TMEM132D: variants seen among roughly 807,000 people sequenced by gnomAD.
The protein encoded by TMEM132D is mature OL transmembrane protein.
Under a neutral mutation model 62.3 loss-of-function variants are expected in TMEM132D, and 21 were observed. That is an observed-to-expected ratio of 0.34 (90% CI 0.24 to 0.49). TMEM132D has a LOEUF of 0.49. Ranked by LOEUF, TMEM132D falls within the 20% of genes least tolerant of loss-of-function variation. TMEM132D has a pLI of 0.99. For missense variants in TMEM132D, 1,346 were observed against 1,402.8 expected (o/e 0.96, Z 0.65); for synonymous variants, 621 against 575.6 (o/e 1.08, Z -1.13).
chr12:129,321,056 CT>C (rs1868689036), intron 4 of TMEM132D, among the ~76,000 whole-genome samples: 1 of 152,008 alleles, frequency 6.6e-6, no homozygotes, highest in South Asian at 2.1e-4. Context: ...TCTCTATCAT[CT>C]ATATTCATAA....
Position 129,338,589 on chromosome 12 carries a change from G to A in TMEM132D, c.1116-772C>T, listed in dbSNP as rs1593342770. Among the ~76,000 whole-genome samples the A allele has an allele frequency of 2.0e-5, 3 of 152,276 alleles. No individual in the cohort carries two copies. In the South Asian group the frequency reaches 6.2e-4, roughly 32 times the overall value. ...ACAGGTAGAAAAATGTAGATTTGGT[G>A]CCTGCCTCTGCCTGAAAAGGAAGTG... On this transcript the variant is annotated intron_variant, in intron 3 of 8. Coordinates refer to ENST00000422113, the MANE Select transcript of TMEM132D (RefSeq NM_133448.3).
chr12:129,809,447 C>T (rs1245991696), intron 1 of TMEM132D, among the ~76,000 whole-genome samples: 1 of 151,952 alleles, frequency 6.6e-6, no homozygotes, highest in Non-Finnish European at 1.5e-5. Flanking sequence ...CCCTGGGGTG[C>T]CAGCTGGGAG....
In TMEM132D at chr12:129,137,155, T is replaced by TC. The variant is rs1446962950; in HGVS notation, c.1444-52454_1444-52453insG. On this transcript the variant is annotated intron_variant, in intron 5 of 8. Transcript: ENST00000422113. The stretch of plus-strand genomic sequence containing the variant: ...TCACCATCACTATCATTGTCATCAC[T>TC]ATCACAATCACCATCATCATCACCA... 4.4e-3 allele frequency among the ~76,000 whole-genome samples: 408 copies of TC among 92,188 alleles called. 10 individuals are homozygous for TC. The East Asian group carries it at 0.064, about 14-fold the overall frequency. 60.5% of individuals were successfully genotyped at this position (92,188 alleles called of 152,430 possible).
chr12:129,403,524 A>G (rs1740627939), intron 3 of TMEM132D, among the ~76,000 whole-genome samples: 1 of 151,938 alleles, frequency 6.6e-6, no homozygotes, highest in Non-Finnish European at 1.5e-5. Context: ...TTGGAGGAAC[A>G]CATCTGTTGC....
At chr12:129,304,482 T>C (rs192074468) in intron 4 of TMEM132D, among the ~76,000 whole-genome samples, 2 of 151,980 alleles carry the variant, frequency 1.3e-5, no homozygotes, top group East Asian at 1.9e-4. Flanking sequence ...CAATCCCATA[T>C]CCTACAATAC....
intron 5 of TMEM132D, among the ~76,000 whole-genome samples, chr12:129,206,769 G>T (rs951156763): frequency 1.3e-5 from 2 of 152,192 alleles, no homozygotes; most frequent in Non-Finnish European, 2.9e-5. Flanking sequence ...ATACTATGCA[G>T]CCATAAAAGA....
chr12:129,841,097 C>T (rs1174215911), intron 1 of TMEM132D, among the ~76,000 whole-genome samples: 1 of 152,110 alleles, frequency 6.6e-6, no homozygotes, highest in Non-Finnish European at 1.5e-5. Flanking sequence ...TGCATAAACA[C>T]GCAGAGTTAA....
At chr12:129,694,807 G>A (rs1593123190) in intron 2 of TMEM132D, among the ~76,000 whole-genome samples, 1 of 152,284 alleles carries the variant, frequency 6.6e-6, no homozygotes, top group Admixed American at 6.5e-5. Flanking sequence ...AGGAGATCGA[G>A]ACCATCCTGG....
At chr12:129,164,882 T>C (rs1253310981) in intron 5 of TMEM132D, among the ~76,000 whole-genome samples, 1 of 152,208 alleles carries the variant, frequency 6.6e-6, no homozygotes, top group East Asian at 1.9e-4. Flanking sequence ...CCTATTCTAC[T>C]CATAGGTATT....
chr12:129,454,748 T>C (rs920481830), intron 3 of TMEM132D, among the ~76,000 whole-genome samples: 5 of 152,190 alleles, frequency 3.3e-5, no homozygotes, highest in South Asian at 2.1e-4. Flanking sequence ...CATAAGAGGA[T>C]TGACTTTCTG....
intron 3 of TMEM132D, among the ~76,000 whole-genome samples, chr12:129,428,535 A>C (rs1241030202): frequency 6.6e-6 from 1 of 152,208 alleles, no homozygotes; most frequent in Non-Finnish European, 1.5e-5. Context: ...TATGCTGGAG[A>C]GATTTCAGAG....
intron 5 of TMEM132D, among the ~76,000 whole-genome samples, chr12:129,126,188 T>A (rs756365029): frequency 1.3e-5 from 2 of 152,180 alleles, no homozygotes; most frequent in Non-Finnish European, 2.9e-5. Flanking sequence ...GGAACTTAAA[T>A]CCACTTATGT....
At chr12:129,783,996 T>C (rs1057434012) in intron 1 of TMEM132D, among the ~76,000 whole-genome samples, 4 of 152,210 alleles carry the variant, frequency 2.6e-5, no homozygotes, top group Admixed American at 6.5e-5. Flanking sequence ...TCTTCCAGCA[T>C]TGAAGCCCTT....
chr12:129,539,238 T>TTC (rs1489683569), intron 2 of TMEM132D, among the ~76,000 whole-genome samples: 1 of 151,304 alleles, frequency 6.6e-6, no homozygotes, highest in African/African-American at 2.4e-5. Context: ...TTCCGGATTT[T>TTC]TTTTTTTTTT....
chr12:129,472,405 G>A (rs1874118035), intron 3 of TMEM132D, among the ~76,000 whole-genome samples: 1 of 152,120 alleles, frequency 6.6e-6, no homozygotes, highest in Non-Finnish European at 1.5e-5. Flanking sequence ...GGACACAGAG[G>A]GGAACATCAC....
At chr12:129,501,669 C>T (rs1016794287) in intron 3 of TMEM132D, among the ~76,000 whole-genome samples, 1 of 151,862 alleles carries the variant, frequency 6.6e-6, no homozygotes, top group African/African-American at 2.4e-5. Flanking sequence ...CACGCCTGGC[C>T]AACTTTTGTA....
intron 1 of TMEM132D, among the ~76,000 whole-genome samples, chr12:129,777,614 G>A (rs1276117683): frequency 6.6e-6 from 1 of 152,172 alleles, no homozygotes; most frequent in Non-Finnish European, 1.5e-5. Flanking sequence ...GGGGTTTACT[G>A]TAAACAGAAA....
At chr12:129,311,544 T>TG (rs370333750) in intron 4 of TMEM132D, among the ~76,000 whole-genome samples, 1 of 152,070 alleles carries the variant, frequency 6.6e-6, no homozygotes, top group Non-Finnish European at 1.5e-5. Context: ...TTTAAAAAAA[T>TG]TAGAATCGAG....
intron 4 of TMEM132D, among the ~76,000 whole-genome samples, chr12:129,289,265 C>A (rs181546971): frequency 6.6e-6 from 1 of 152,036 alleles, no homozygotes; most frequent in Non-Finnish European, 1.5e-5. Context: ...CTGCCCTGGC[C>A]GGGCGCCATG....
Sources: gnomAD v4.1 joint callset for allele counts (sites outside exome capture counted in the v4.1 genomes callset) on GRCh38, gnomAD v4.1.1 for gene constraint, MANE v1.5 for transcripts, NCBI Gene and HGNC (gene_info 2026-07-23, HGNC 2026-07-21) for gene names.